The following GNA12 variants were observed in gnomAD, a reference collection of about 807,000 sequenced individuals.
The protein encoded by GNA12 is guanine nucleotide-binding protein subunit alpha-12.
A neutral mutation model predicts 26.0 loss-of-function variants in GNA12; 9 were observed. The observed-to-expected ratio is 0.35, with a 90% CI of 0.21 to 0.60. The LOEUF (loss-of-function observed/expected upper bound fraction) is 0.60. Among genes scored for constraint, GNA12 ranks in the 20% least tolerant of loss-of-function variants. GNA12 has a pLI of 0.78. For synonymous variants in GNA12, 264 were observed against 219.6 expected (o/e 1.20, Z -1.79); for missense variants, 405 against 525.8 (o/e 0.77, Z 2.25).
chr7:2,739,354 T>G (rs1403827664), intron 2 of GNA12, among the ~76,000 whole-genome samples: 1 of 152,218 alleles, frequency 6.6e-6, no homozygotes, highest in Admixed American at 6.5e-5. Flanking sequence ...CGGTTCTGGA[T>G]CTCTCATTGG....
intron 1 of GNA12, among the ~76,000 whole-genome samples, chr7:2,808,455 G>A (rs1476528310): frequency 9.2e-5 from 14 of 152,254 alleles, no homozygotes; most frequent in African/African-American, 3.4e-4. Context: ...TGTAGTAGGA[G>A]AGTGCCCAGG....
In GNA12 at chr7:2,744,265, C is replaced by G. The variant is rs538800097; in HGVS notation, c.526-10764G>C. Among the ~76,000 whole-genome samples, 54 of 152,308 alleles carry G rather than the reference C, an allele frequency of 3.5e-4. No individual in the cohort carries two copies. The Middle Eastern group carries it at 0.01, about 29-fold the overall frequency. The stretch of plus-strand genomic sequence containing the variant: ...CCTGAGTAGCCTAACTGGGAGGCAC[C>G]CCCCAGTAGGGGCGGACTGACACCT... On this transcript the variant is annotated intron_variant, in intron 2 of 3. Transcript: ENST00000275364.
rs143131907 is a variant in GNA12, at chr7:2,819,319, C to T, written c.310-24176G>A. Among the ~76,000 whole-genome samples the T allele has an allele frequency of 1.6e-3, 244 of 152,270 alleles. 1 individual carries two copies. Among genetic ancestry groups the T allele is most frequent in the African/African-American group, 5.6e-3 (231 of 41,538 alleles). On this transcript the variant is annotated intron_variant, in intron 1 of 3. Transcript: ENST00000275364. ...AGAGCCTCCAAAAAGGAACACAGTCCGGCTGGAACCTTCCTGTTAGTCTCA... is the reference window on the plus strand; with the variant it reads ...AGAGCCTCCAAAAAGGAACACAGTCTGGCTGGAACCTTCCTGTTAGTCTCA...
At chr7:2,780,527 C>T (rs1583275639) in intron 2 of GNA12, among the ~76,000 whole-genome samples, 3 of 152,268 alleles carry the variant, frequency 2.0e-5, no homozygotes, top group Admixed American at 2.0e-4. Flanking sequence ...TAGAAGCAAC[C>T]ACTGTCTTGA....
intron 1 of GNA12, among the ~76,000 whole-genome samples, chr7:2,803,331 C>A (rs773520054): frequency 5.3e-5 from 8 of 152,042 alleles, no homozygotes; most frequent in Non-Finnish European, 8.8e-5. Flanking sequence ...AGAAAGGGGA[C>A]GATCGAGGGC....
intron 1 of GNA12, among the ~76,000 whole-genome samples, chr7:2,833,356 C>T (rs1046033228): frequency 1.3e-5 from 2 of 152,152 alleles, no homozygotes; most frequent in Non-Finnish European, 2.9e-5. Flanking sequence ...AAAACCGGTA[C>T]GATCCATGAA....
At chr7:2,841,268 G>C (rs1245670899) in intron 1 of GNA12, among the ~76,000 whole-genome samples, 1 of 152,184 alleles carries the variant, frequency 6.6e-6, no homozygotes, top group Admixed American at 6.5e-5. Flanking sequence ...TCTCCTGCCA[G>C]GAGGTTGAGT....
intron 2 of GNA12, among the ~76,000 whole-genome samples, chr7:2,770,877 A>G (rs906839133): frequency 6.6e-6 from 1 of 152,216 alleles, no homozygotes; most frequent in African/African-American, 2.4e-5. Context: ...ATCGTGCAAG[A>G]TTATGGCAAT....
rs112061387 is a variant in GNA12 at position 2,820,019 on chromosome 7, A to G, written c.309+23834T>C. On this transcript the variant is annotated intron_variant, in intron 1 of 3. Transcript: ENST00000275364. Reference sequence around the variant, plus strand: ...CGGATAAACAAAACGGGGCGTAGCAAAAGGGAATGCTATTCGGCCGCTTAG... The same window carrying G: ...CGGATAAACAAAACGGGGCGTAGCAGAAGGGAATGCTATTCGGCCGCTTAG... 4.0e-3 allele frequency among the ~76,000 whole-genome samples: 608 copies of G among 152,352 alleles called. 1 individual carries two copies. Among genetic ancestry groups the G allele is most frequent in the Non-Finnish European group, 7.0e-3 (473 of 68,030 alleles).
At chr7:2,776,491 C>T (rs1302905879) in intron 2 of GNA12, among the ~76,000 whole-genome samples, 3 of 152,168 alleles carry the variant, frequency 2.0e-5, no homozygotes, top group East Asian at 3.9e-4. Context: ...CTGGCTAAGA[C>T]AGGGGCGATG....
intron 2 of GNA12, among the ~76,000 whole-genome samples, chr7:2,765,451 G>A (rs1218699704): frequency 6.6e-6 from 1 of 151,998 alleles, no homozygotes; most frequent in African/African-American, 2.4e-5. Context: ...GAGCCACCGC[G>A]CCCAGCCTAC....
At chr7:2,839,242 C>T (rs927739585) in intron 1 of GNA12, among the ~76,000 whole-genome samples, 4 of 151,332 alleles carry the variant, frequency 2.6e-5, no homozygotes, top group African/African-American at 7.3e-5. Flanking sequence ...AAAATCTTTT[C>T]TTTTTTTTTG....
At position 2,779,029 on chromosome 7, in the gene GNA12, G is replaced by A. The variant is rs145727792; in HGVS notation, c.525+15899C>T. ...TATGGGAGGCCGAGGCAAGAAGACT[G>A]CTTCACAGTGAGACTATCTCTACAA... On this transcript the variant is annotated intron_variant, in intron 2 of 3. Transcript: ENST00000275364. 4.3e-3 allele frequency among the ~76,000 whole-genome samples: 648 copies of A among 152,300 alleles called. 7 individuals are homozygous for A. Among genetic ancestry groups the A allele is most frequent in the African/African-American group, 0.015 (616 of 41,544 alleles).
At position 2,807,362 on chromosome 7, in the gene GNA12, A is replaced by C. The variant is rs1456718373; in HGVS notation, c.310-12219T>G. Among the ~76,000 whole-genome samples the C allele has an allele frequency of 3.3e-5, 5 of 152,328 alleles. No individual in the cohort carries two copies. The East Asian group carries it at 9.6e-4, about 29-fold the overall frequency. ...TGCTTAAATTTCACAAACATGTTTGAATTTCTAGTCTCTTGTTTCCAGTAA... is the reference window on the plus strand; with the variant it reads ...TGCTTAAATTTCACAAACATGTTTGCATTTCTAGTCTCTTGTTTCCAGTAA... On this transcript the variant is annotated intron_variant, in intron 1 of 3. Transcript: ENST00000275364.
intron 1 of GNA12, among the ~76,000 whole-genome samples, chr7:2,825,626 C>T (rs1005624106): frequency 3.9e-5 from 6 of 152,170 alleles, no homozygotes; most frequent in African/African-American, 9.7e-5. Context: ...GAGAAGGTAT[C>T]GAGCTGATGG....
intron 1 of GNA12, among the ~76,000 whole-genome samples, chr7:2,818,280 TCA>T (rs1793260984): frequency 6.6e-6 from 1 of 152,126 alleles, no homozygotes; most frequent in Non-Finnish European, 1.5e-5. Flanking sequence ...TTGGAGCGCC[TCA>T]CACACTGCAG....
chr7:2,784,563 T>A (rs1362694571), intron 2 of GNA12, among the ~76,000 whole-genome samples: 1 of 152,242 alleles, frequency 6.6e-6, no homozygotes, highest in Non-Finnish European at 1.5e-5. Flanking sequence ...TGATAGTACC[T>A]ACTTCCTGAG....
At position 2,844,221 on chromosome 7, in the gene GNA12, G is replaced by A; in HGVS notation, c.-60C>T. On this transcript the variant is annotated 5_prime_UTR_variant, in exon 1 of 4. Coordinates refer to ENST00000275364, the MANE Select transcript of GNA12 (RefSeq NM_007353.3). ...CCGGGGGCCATGGACGCTCCCGCCG[G>A]CGAGGGCGAGCCCGGGCCGAGGCAC... is the stretch of plus-strand genomic sequence containing the variant. 2.4e-6 allele frequency: 2 copies of A among 850,334 alleles called. No individual in the cohort carries two copies. The highest frequency in any genetic ancestry group is 1.0e-4 in the South Asian group (2 of 19,598). 52.7% of individuals were successfully genotyped at this position (850,334 alleles called of 1,614,324 possible).
At chr7:2,814,322 G>C (rs1310012103) in intron 1 of GNA12, 1 of 1,570,654 alleles carries the variant, frequency 6.4e-7, no homozygotes, top group Non-Finnish European at 8.8e-7. Flanking sequence ...CCTGGACCCA[G>C]GGTGTGCAAT....
Sources: allele counts gnomAD v4.1 joint callset (sites outside exome capture counted in the v4.1 genomes callset), GRCh38; gene constraint gnomAD v4.1.1; transcripts MANE v1.5; gene names NCBI Gene and HGNC (gene_info 2026-07-23, HGNC 2026-07-21).